The following DUOX2 variants were observed in gnomAD, a reference collection of about 807,000 sequenced individuals.
DUOX2 encodes the protein dual oxidase 2, also known as NADH/NADPH thyroid oxidase p138-tox.
DUOX2 carries 185 observed loss-of-function variants against 183.3 expected under a neutral mutation model. That is an observed-to-expected ratio of 1.01 (90% CI 0.90 to 1.14). DUOX2 has a LOEUF of 1.14. Ranked by LOEUF, DUOX2 falls within the 50% of genes most tolerant of loss-of-function variation. DUOX2 has a pLI of 0.00. For missense variants in DUOX2, 1,999 were observed against 2,022.9 expected (o/e 0.99, Z 0.23); for synonymous variants, 788 against 812.4 (o/e 0.97, Z 0.51).
At chr15:45,095,384 G>T (rs1318947632) in intron 31 of DUOX2, 53 bp downstream of exon 31, 3 of 1,610,180 alleles carry the variant, frequency 1.9e-6, no homozygotes, top group Middle Eastern at 1.6e-4. Flanking sequence ...CTTGATGCGG[G>T]TCACAATTCG....
In DUOX2 at chr15:45,094,286, G is replaced by A. The variant is rs1027545728; in HGVS notation, c.4525-14C>T. ...GATCTTGCGCACCTGTCAGGAGATT[G>A]GAGAGAGAGAGGGGCCTGCAGCCTA... On this transcript the variant is annotated splice_polypyrimidine_tract_variant and intron_variant, in intron 33 of 33. Coordinates refer to ENST00000389039, the MANE Select transcript of DUOX2 (RefSeq NM_001363711.2). 1.9e-6 allele frequency: 3 copies of A among 1,614,052 alleles called. No homozygotes were observed. Among genetic ancestry groups the A allele is most frequent in the East Asian group, 4.5e-5 (2 of 44,870 alleles).
Position 45,110,719 on chromosome 15 carries a change from C to T in DUOX2, c.883-9G>A. The T allele has an allele frequency of 1.2e-6, 2 of 1,612,030 alleles. No individual in the cohort carries two copies. The highest frequency in any genetic ancestry group is 1.7e-6 in the Non-Finnish European group (2 of 1,179,868). ...TCATACACAGCGATGTTCTGAGGGG[C>T]AGAGAGGGGCGAGGGGAGGCACAAG... On this transcript the variant is annotated splice_polypyrimidine_tract_variant and intron_variant, in intron 7 of 33. Transcript: ENST00000389039.
intron 15 of DUOX2, 91 bp from the exon 16 acceptor site, chr15:45,106,732 C>T: frequency 1.2e-6 from 2 of 1,609,128 alleles, no homozygotes; most frequent in South Asian, 1.1e-5. Flanking sequence ...TCCAGAGGTT[C>T]CTTGAGCCTG....
At chr15:45,109,001 T>C (rs1894307728) in intron 11 of DUOX2, 49 bp from the exon 12 acceptor site, 1 of 1,610,764 alleles carries the variant, frequency 6.2e-7, no homozygotes, top group Admixed American at 1.7e-5. Flanking sequence ...CTCCATCCTT[T>C]TTTGCCCTGC....
rs119472028 is a variant in DUOX2, at chr15:45,104,176, G to A, written c.2524C>T (p.Arg842Ter). Residue 842 changes from arginine to a stop codon, truncating the protein, a stop_gained, in exon 19 of 34, where the codon CGA becomes TGA. Transcript: ENST00000389039. LOFTEE classifies it high-confidence loss of function. ...ACCACCAGGATGTCCAGGAACTCTC[G>A]GAAGGACAGGTAGCCATTGCCATCC... ...DKDGNGYLSF[R>*]EFLDILVVFM... 30 of 1,614,038 alleles carry A rather than the reference G, an allele frequency of 1.9e-5. No homozygotes were observed. Among genetic ancestry groups the A allele is most frequent in the East Asian group, 6.7e-5 (3 of 44,892 alleles).
chr15:45,101,680 T>C, intron 21 of DUOX2, 113 bp downstream of exon 21: 2 of 1,382,066 alleles, frequency 1.4e-6, no homozygotes, highest in Non-Finnish European at 2.0e-6. Flanking sequence ...CTTGGTTCTA[T>C]ACTAGGTACC....
chr15:45,100,225 T>A lies in DUOX2; in HGVS notation c.3009A>T (p.Ala1003=). ...PGLKKRFGKK[A]AVPTPRLYTE... Reference sequence around the variant, plus strand: ...TGTACAGCCGGGGAGTGGGCACTGCTGCCCTATAGCAAGGGGAGGCAGGGC... The same window carrying A: ...TGTACAGCCGGGGAGTGGGCACTGCAGCCCTATAGCAAGGGGAGGCAGGGC... The change falls in exon 24 of 34, where the codon GCA becomes GCT. Residue 1003 remains alanine, a synonymous_variant. Transcript: ENST00000389039. The A allele has an allele frequency of 1.9e-6, 3 of 1,613,128 alleles. No homozygotes were observed. The highest frequency in any genetic ancestry group is 2.5e-6 in the Non-Finnish European group (3 of 1,179,690).
chr15:45,104,235 A>G lies in DUOX2; in HGVS notation c.2465T>C (p.Met822Thr), dbSNP rs2141149053. Residue 822 changes from methionine (M) to threonine (T), a missense_variant, in exon 19 of 34, where the codon ATG becomes ACG. By Grantham distance (81) the Met-to-Thr change is moderately conservative (BLOSUM62 -1). This residue lies in a region of DUOX2 where 1,628 missense variants were observed against 1,608.6 expected (regional missense o/e 1.01). Transcript: ENST00000389039. The stretch of plus-strand genomic sequence containing the variant: ...CAGAGAGAACATGGACTCCACAAAC[A>G]TGTCCTGGGGCTTGAGGCCCAGGGA... ...AESLGLKPQDMFVESMFSLAD... is the reference protein window; with the variant it reads ...AESLGLKPQDTFVESMFSLAD... 6.2e-7 allele frequency: 1 copy of G among 1,613,962 alleles called. No homozygotes were observed. Among genetic ancestry groups the G allele is most frequent in the Middle Eastern group, 1.6e-4 (1 of 6,062 alleles).
rs201109959 is a variant in DUOX2 at position 45,106,172 on chromosome 15, G to A, written c.2101C>T (p.Arg701Ter). The change falls in exon 17 of 34, where the codon CGA (arginine) becomes TGA (stop). Residue 701 changes from arginine to a stop codon, truncating the protein, a stop_gained. Coordinates refer to ENST00000389039, the MANE Select transcript of DUOX2 (RefSeq NM_001363711.2). LOFTEE classifies it high-confidence loss of function. ...QQVNLILSNN[R>*]GCRTLLLKIP... Reference sequence around the variant, plus strand: ...TTGAGCAGCAGGGTGCGGCATCCTCGGTTGTTGGACAGGATGAGGTTGACC... The same window carrying A: ...TTGAGCAGCAGGGTGCGGCATCCTCAGTTGTTGGACAGGATGAGGTTGACC... The A allele has an allele frequency of 2.9e-5, 47 of 1,614,176 alleles. No individual in the cohort carries two copies. The highest frequency in any genetic ancestry group is 2.1e-4 in the South Asian group (19 of 91,076).
Position 45,097,235 on chromosome 15 carries a change from T to G in DUOX2, c.3847+3A>C. The G allele has an allele frequency of 6.2e-7, 1 of 1,614,180 alleles. No individual in the cohort carries two copies. Among genetic ancestry groups the G allele is most frequent in the Non-Finnish European group, 8.5e-7 (1 of 1,180,038 alleles). ...CCGACCCAGGTCAGGCTGGGCCTGA[T>G]ACCTGAGGGCAGCAGCTCCGCCTTC... On this transcript the variant is annotated splice_donor_region_variant and intron_variant, in intron 29 of 33. Coordinates refer to ENST00000389039, the MANE Select transcript of DUOX2 (RefSeq NM_001363711.2).
In DUOX2 at chr15:45,112,563, C is replaced by G. The variant is rs143091240; in HGVS notation, c.316G>C (p.Val106Leu). 15 of 1,613,006 alleles carry G rather than the reference C, an allele frequency of 9.3e-6. No homozygotes were observed. In the South Asian group the frequency reaches 1.4e-4, roughly 15 times the overall value. Residue 106 changes from valine (V) to leucine (L), a missense_variant, in exon 4 of 34, where the codon GTC becomes CTC. Val to Leu is a conservative substitution (Grantham distance 32). This residue lies in a region of DUOX2 where 356 missense variants were observed against 356.4 expected (regional missense o/e 1.00). Coordinates refer to ENST00000389039, the MANE Select transcript of DUOX2 (RefSeq NM_001363711.2). ...CCCCCTTTGCCCTCACCAAAGAAGA[C>G]CCCCAGTACGGTGCGGTTGTGGAGC... ...PSLHNRTVLG[V>L]FFGYHVLSDV... is the part of the protein sequence containing the mutation.
Position 45,096,020 on chromosome 15 carries a change from C to T in DUOX2, c.3888G>A (p.Glu1296=). The part of the protein sequence containing the change: ...YLQFQRPQGF[E]YKSGQWVRIA... Reference sequence around the variant, plus strand: ...TCCGCACCCACTGTCCTGACTTGTACTCAAAGCCTTGGGGCCTCTGGAATT... The same window carrying T: ...TCCGCACCCACTGTCCTGACTTGTATTCAAAGCCTTGGGGCCTCTGGAATT... The change falls in exon 30 of 34, where the codon GAG becomes GAA. Residue 1296 remains glutamate, a synonymous_variant. Transcript: ENST00000389039. 1 of 1,614,108 alleles carries T rather than the reference C, an allele frequency of 6.2e-7. No individual in the cohort carries two copies. The highest frequency in any genetic ancestry group is 8.5e-7 in the Non-Finnish European group (1 of 1,180,004).
chr15:45,101,246 G>C lies in DUOX2; in HGVS notation c.2880C>G (p.Ile960Met). ...GAGTGATGAACGAGACTCGACAGCT[G>C]ATGTTTTGTTTAAAGATATCTCTAA... ...NGIRDIFKQNISCRVSFITRT... is the reference protein window; with the variant it reads ...NGIRDIFKQNMSCRVSFITRT... Residue 960 changes from isoleucine to methionine, a missense_variant, in exon 22 of 34, where the codon ATC (isoleucine) becomes ATG (methionine). Around this residue, in one of 3 missense-constraint regions of DUOX2, gnomAD observed 1,628 missense variants for 1,608.6 expected, o/e 1.01. Coordinates refer to ENST00000389039, the MANE Select transcript of DUOX2 (RefSeq NM_001363711.2). 2 of 1,613,700 alleles carry C rather than the reference G, an allele frequency of 1.2e-6. No individual in the cohort carries two copies. The highest frequency in any genetic ancestry group is 1.7e-6 in the Non-Finnish European group (2 of 1,179,898).
chr15:45,095,784 G>T, intron 30 of DUOX2, 44 bp downstream of exon 30: 1 of 1,583,148 alleles, frequency 6.3e-7, no homozygotes, highest in Non-Finnish European at 8.7e-7. Flanking sequence ...GAGATCCTCT[G>T]CCAGTGCCAG....
intron 18 of DUOX2, among the ~76,000 whole-genome samples, chr15:45,105,020 C>T (rs1894176986): frequency 1.3e-5 from 2 of 152,146 alleles, no homozygotes; most frequent in African/African-American, 4.8e-5. Context: ...GGGGTTTCAC[C>T]ATGTTGGCCA....
At chr15:45,112,200 G>A (rs1043161198) in intron 4 of DUOX2, among the ~76,000 whole-genome samples, 1 of 152,148 alleles carries the variant, frequency 6.6e-6, no homozygotes, top group African/African-American at 2.4e-5. Flanking sequence ...AATTTATGTA[G>A]GGGTACCCCA....
intron 17 of DUOX2, 103 bp from the exon 18 acceptor site, chr15:45,105,931 C>T: frequency 4.7e-6 from 7 of 1,496,320 alleles, no homozygotes; most frequent in Non-Finnish European, 6.4e-6. Context: ...GAAAACTCCT[C>T]CCCATCCATC....
rs1175759527 is a variant in DUOX2 at position 45,106,951 on chromosome 15, G to C, written c.1712C>G (p.Pro571Arg). 1 of 1,578,276 alleles carries C rather than the reference G, an allele frequency of 6.3e-7. No homozygotes were observed. The highest frequency in any genetic ancestry group is 1.3e-5 in the African/African-American group (1 of 74,812). The change falls in exon 15 of 34, where the codon CCT becomes CGT. Residue 571 changes from proline to arginine, a missense_variant. Pro to Arg is a moderately radical substitution (Grantham distance 103). Transcript: ENST00000389039. The part of the protein sequence containing the change: ...VWHKGAPCPQ[P>R]KQLTTDGLPQ... ...CAGGCCGTCAGTTGTGAGCTGCTTAGGTTGAGGGCAGGGTGCACCTGAGGG... is the reference window on the plus strand; with the variant it reads ...CAGGCCGTCAGTTGTGAGCTGCTTACGTTGAGGGCAGGGTGCACCTGAGGG...
chr15:45,095,637 C>T, intron 30 of DUOX2, 42 bp from the exon 31 acceptor site: 2 of 1,613,892 alleles, frequency 1.2e-6, no homozygotes, highest in South Asian at 1.1e-5. Flanking sequence ...TGACCCTGCC[C>T]CAGCTCTGAG....
Sources: gnomAD v4.1 joint callset for allele counts (sites outside exome capture counted in the v4.1 genomes callset) on GRCh38, gnomAD v4.1.1 for gene constraint, gnomAD v4.1.1 regional missense constraint, MANE v1.5 for transcripts, NCBI Gene and HGNC (gene_info 2026-07-23, HGNC 2026-07-21) for gene names.